Variants in SORBS2 observed in about 807,000 individuals in gnomAD.
The protein encoded by SORBS2 is sorbin and SH3 domain containing 2, also known as sorbin and SH3 domain-containing protein 2.
Under a neutral mutation model 97.7 loss-of-function variants are expected in SORBS2, and 46 were observed. The ratio of observed to expected loss-of-function variants is 0.47; its 90% CI spans 0.37 to 0.60. The LOEUF (loss-of-function observed/expected upper bound fraction) is 0.60. Among genes scored for constraint, SORBS2 ranks in the 20% least tolerant of loss-of-function variants. The probability of loss-of-function intolerance (pLI) is 0.00; values close to 1 mark genes in which losing one functional copy is unlikely to be tolerated. For synonymous variants in SORBS2, 476 were observed against 473.4 expected, an observed-to-expected ratio of 1.01 and a Z score of -0.07; for missense variants, 1,316 against 1,282.3, an observed-to-expected ratio of 1.03 and a Z score of -0.40.
intron 1 of SORBS2, among the ~76,000 whole-genome samples, chr4:185,844,276 C>G (rs1278254213): frequency 6.6e-6 from 1 of 152,056 alleles, no homozygotes; most frequent in Non-Finnish European, 1.5e-5. Flanking sequence ...ACAAAGAACC[C>G]AATTCAAAAA....
intron 1 of SORBS2, among the ~76,000 whole-genome samples, chr4:185,806,308 A>G (rs1468796726): frequency 6.6e-6 from 1 of 152,184 alleles, no homozygotes; most frequent in East Asian, 1.9e-4. Flanking sequence ...TTTCTCCAAC[A>G]TAGCCAAAAT....
intron 1 of SORBS2, among the ~76,000 whole-genome samples, chr4:185,893,469 AGC>A (rs1343834075): frequency 2.0e-5 from 3 of 152,214 alleles, no homozygotes; most frequent in African/African-American, 7.2e-5. Context: ...CGGGCCCTTC[AGC>A]ACCTCACTCA....
intron 2 of SORBS2, chr4:185,773,211 G>C (rs918091964): frequency 6.6e-6 from 1 of 152,176 alleles, no homozygotes; most frequent in African/African-American, 2.4e-5. Flanking sequence ...GCAGACCAAG[G>C]CTTCCCAGTA....
intron 1 of SORBS2, among the ~76,000 whole-genome samples, chr4:185,892,454 A>G (rs192096886): frequency 7.9e-5 from 12 of 152,330 alleles, no homozygotes; most frequent in African/African-American, 2.9e-4. Context: ...ACTGATAAGG[A>G]CTTTGATTAT....
At chr4:185,602,458 C>T (rs10049785) in intron 12 of SORBS2, among the ~76,000 whole-genome samples, 8,811 of 152,144 alleles carry the variant, frequency 0.058, 830 homozygotes, top group African/African-American at 0.2. Context: ...GGAACTTTTA[C>T]GTTTATGGAA....
intron 2 of SORBS2, among the ~76,000 whole-genome samples, chr4:185,735,080 C>T (rs999507156): frequency 6.6e-6 from 1 of 152,200 alleles, no homozygotes; most frequent in African/African-American, 2.4e-5. Flanking sequence ...AAATTTTATA[C>T]AAGGCCTGTG....
At chr4:185,920,301 C>A (rs778650986) in intron 1 of SORBS2, among the ~76,000 whole-genome samples, 5 of 152,158 alleles carry the variant, frequency 3.3e-5, no homozygotes, top group Non-Finnish European at 5.9e-5. Context: ...ACGCCAGCAG[C>A]AGATCAATTT....
In SORBS2 at chr4:185,698,297, G is replaced by A. The variant is rs186378348; in HGVS notation, c.-197-19475C>T. On this transcript the variant is annotated intron_variant, in intron 2 of 20. Transcript: ENST00000284776. ...TCGAGACCAGCCTGGCCAACATGAC[G>A]AAACCCCTGCCTCTACTAAAATTCA... 1.8e-3 allele frequency among the ~76,000 whole-genome samples: 276 copies of A among 152,242 alleles called. 2 individuals are homozygous for A. In the South Asian group the frequency reaches 0.029, roughly 16 times the overall value.
chr4:185,666,439 T>C (rs962227184), intron 4 of SORBS2, among the ~76,000 whole-genome samples: 1 of 152,172 alleles, frequency 6.6e-6, no homozygotes, highest in Non-Finnish European at 1.5e-5. Context: ...AGCACTGCAA[T>C]GTAATTCTGG....
At chr4:185,795,009 T>A (rs1424081286) in intron 1 of SORBS2, among the ~76,000 whole-genome samples, 1 of 152,066 alleles carries the variant, frequency 6.6e-6, no homozygotes, top group African/African-American at 2.4e-5. Flanking sequence ...TAGGCAAGAG[T>A]GTTCACAGAT....
intron 2 of SORBS2, among the ~76,000 whole-genome samples, chr4:185,681,912 C>T (rs535872476): frequency 6.6e-6 from 1 of 152,256 alleles, no homozygotes; most frequent in Admixed American, 6.5e-5. Context: ...AACTGATATG[C>T]TCTATTGACA....
At chr4:185,924,084 T>A (rs2099262339) in intron 1 of SORBS2, among the ~76,000 whole-genome samples, 4 of 152,210 alleles carry the variant, frequency 2.6e-5, no homozygotes, top group African/African-American at 7.2e-5. Flanking sequence ...CAGTCAATAT[T>A]TGTGACATGA....
At chr4:185,780,867 A>G (rs1306359398) in intron 1 of SORBS2, among the ~76,000 whole-genome samples, 1 of 152,206 alleles carries the variant, frequency 6.6e-6, no homozygotes, top group Non-Finnish European at 1.5e-5. Flanking sequence ...GATTATATAG[A>G]AATAACTTCT....
rs35369073 is a variant in SORBS2 at position 185,938,389 on chromosome 4, T to TACACACATAC, written c.-338+17806_-338+17807insGTATGTGTGT. On this transcript the variant is annotated intron_variant, in intron 1 of 20. Transcript: ENST00000284776. ...TCTCACCCAGAAAAATGTAGACACA[T>TACACACATAC]ACACACACACACACACACACACACA... Among the ~76,000 whole-genome samples the TACACACATAC allele has an allele frequency of 7.4e-3, 1,015 of 136,490 alleles. 10 individuals are homozygous for TACACACATAC. The highest frequency in any genetic ancestry group is 0.027 in the African/African-American group (979 of 36,120). The allele number at this position is 136,490 out of a possible 152,430, so 89.5% of individuals were successfully genotyped here.
intron 2 of SORBS2, among the ~76,000 whole-genome samples, chr4:185,688,512 A>T (rs1479087320): frequency 6.6e-6 from 1 of 152,070 alleles, no homozygotes; most frequent in Non-Finnish European, 1.5e-5. Flanking sequence ...ATAAATAGAT[A>T]GATAGATAGA....
intron 2 of SORBS2, chr4:185,709,730 C>A (rs2098400976): frequency 6.6e-6 from 1 of 151,966 alleles, no homozygotes; most frequent in South Asian, 2.1e-4. Flanking sequence ...CATCTCCTCA[C>A]CTGCCCCGTC....
At chr4:185,605,363 A>G (rs575512102) in intron 12 of SORBS2, among the ~76,000 whole-genome samples, 7 of 152,220 alleles carry the variant, frequency 4.6e-5, no homozygotes, top group East Asian at 3.9e-4. Flanking sequence ...GTTCACTGCA[A>G]CCTCCGCCTC....
At chr4:185,896,912 CAT>C (rs1466776107) in intron 1 of SORBS2, among the ~76,000 whole-genome samples, 2 of 148,122 alleles carry the variant, frequency 1.4e-5, no homozygotes. Context: ...AAAAAAAGCA[CAT>C]GTCAGTGATT....
intron 4 of SORBS2, among the ~76,000 whole-genome samples, chr4:185,662,737 G>A (rs1009671161): frequency 6.6e-5 from 10 of 152,196 alleles, no homozygotes; most frequent in Admixed American, 6.5e-5. Flanking sequence ...ATAACATAAG[G>A]AACCTAGTTG....
Sources: gnomAD v4.1 joint callset for allele counts (sites outside exome capture counted in the v4.1 genomes callset) on GRCh38, gnomAD v4.1.1 for gene constraint, MANE v1.5 for transcripts, NCBI Gene and HGNC (gene_info 2026-07-23, HGNC 2026-07-21) for gene names.